Variants in NTM observed in about 807,000 individuals in gnomAD.
The protein encoded by NTM is IgLON family member 2.
In NTM, 13 loss-of-function variants were observed where a neutral mutation model predicts 42.1. The observed-to-expected ratio is 0.31, with a 90% confidence interval of 0.20 to 0.49. The LOEUF (loss-of-function observed/expected upper bound fraction) is 0.49. Among genes scored for constraint, NTM ranks in the 20% least tolerant of loss-of-function variants. The pLI, the probability that NTM is intolerant of heterozygous loss-of-function variation, is 0.99. For synonymous variants in NTM, 187 were observed against 179.2 expected, an observed-to-expected ratio of 1.04 and a Z score of -0.35; for missense variants, 373 against 452.8, an observed-to-expected ratio of 0.82 and a Z score of 1.60.
At chr11:131,531,885 G>A (rs2051330482) in intron 1 of NTM, among the ~76,000 whole-genome samples, 1 of 152,172 alleles carries the variant, frequency 6.6e-6, no homozygotes, top group Non-Finnish European at 1.5e-5. Context: ...CAGACAGAAG[G>A]AACCGCATGC....
At chr11:131,716,407 A>C (rs1283881058) in intron 1 of NTM, among the ~76,000 whole-genome samples, 1 of 152,210 alleles carries the variant, frequency 6.6e-6, no homozygotes. Flanking sequence ...GAATAGCTGA[A>C]TCATATCGTA....
At chr11:131,786,728 C>T (rs2089297534) in intron 1 of NTM, among the ~76,000 whole-genome samples, 1 of 152,134 alleles carries the variant, frequency 6.6e-6, no homozygotes, top group Non-Finnish European at 1.5e-5. Context: ...CAATTGATAG[C>T]ATTTAAATTA....
intron 2 of NTM, among the ~76,000 whole-genome samples, chr11:131,956,157 C>A (rs907691647): frequency 6.6e-6 from 1 of 152,120 alleles, no homozygotes; most frequent in Non-Finnish European, 1.5e-5. Context: ...TATAGAGACC[C>A]AGTCAGGGCC....
At chr11:131,573,764 G>A (rs1272678413) in intron 1 of NTM, among the ~76,000 whole-genome samples, 1 of 152,106 alleles carries the variant, frequency 6.6e-6, no homozygotes, top group African/African-American at 2.4e-5. Flanking sequence ...GGAAAGATCG[G>A]GCCCTTTCTC....
At chr11:131,902,728 G>A (rs2053345810) in intron 1 of NTM, among the ~76,000 whole-genome samples, 1 of 152,146 alleles carries the variant, frequency 6.6e-6, no homozygotes, top group Admixed American at 6.5e-5. Context: ...GTTCATCCAG[G>A]TCCACATTTC....
rs117795928 is a variant in NTM at position 131,541,058 on chromosome 11, G to A, written c.82+170170G>A. ...GTGATTACAATTATTGATGGCAGCT[G>A]ATTATTCATTAGGCATCAAATCAAT... On this transcript the variant is annotated intron_variant, in intron 1 of 8. Transcript: ENST00000683400. Among the ~76,000 whole-genome samples, 461 of 152,270 alleles carry A rather than the reference G, an allele frequency of 3.0e-3. 2 individuals are homozygous for A. Among genetic ancestry groups the A allele is most frequent in the Non-Finnish European group, 5.4e-3 (366 of 68,030 alleles).
At chr11:132,090,253 G>A (rs1052908013) in intron 2 of NTM, among the ~76,000 whole-genome samples, 6 of 152,160 alleles carry the variant, frequency 3.9e-5, no homozygotes, top group Non-Finnish European at 8.8e-5. Context: ...TGGCAATTAA[G>A]CACTTGCAAG....
At chr11:132,085,585 A>G (rs1331245659) in intron 2 of NTM, among the ~76,000 whole-genome samples, 1 of 152,262 alleles carries the variant, frequency 6.6e-6, no homozygotes, top group Non-Finnish European at 1.5e-5. Context: ...CTCAAAGATT[A>G]AAGTCACATG....
chr11:132,251,793 C>G (rs1359465085), intron 4 of NTM, among the ~76,000 whole-genome samples: 1 of 152,188 alleles, frequency 6.6e-6, no homozygotes, highest in Non-Finnish European at 1.5e-5. Context: ...AATTTCAAGC[C>G]TACTACTTAT....
chr11:131,762,493 G>A (rs1041281541), intron 1 of NTM, among the ~76,000 whole-genome samples: 2 of 152,224 alleles, frequency 1.3e-5, no homozygotes, highest in African/African-American at 4.8e-5. Flanking sequence ...TGCAGGCCAA[G>A]GGCAGGTTGG....
chr11:131,527,207 C>T (rs1591942838), intron 1 of NTM, among the ~76,000 whole-genome samples: 2 of 152,178 alleles, frequency 1.3e-5, no homozygotes, highest in East Asian at 3.9e-4. Context: ...GGCTAAGGCT[C>T]CTGTCCTCAT....
intron 2 of NTM, among the ~76,000 whole-genome samples, chr11:131,998,635 C>CG (rs2068582445): frequency 6.6e-6 from 1 of 152,090 alleles, no homozygotes; most frequent in Admixed American, 6.6e-5. Flanking sequence ...TCTCATACTC[C>CG]GTCGGTCACC....
intron 2 of NTM, among the ~76,000 whole-genome samples, chr11:131,967,557 C>T (rs1038858027): frequency 6.6e-6 from 1 of 151,890 alleles, no homozygotes; most frequent in Non-Finnish European, 1.5e-5. Flanking sequence ...TTTAATGGGC[C>T]AGGGAGGAGC....
At chr11:131,410,531 A>C (rs923064934) in intron 1 of NTM, among the ~76,000 whole-genome samples, 4 of 148,830 alleles carry the variant, frequency 2.7e-5, no homozygotes, top group South Asian at 2.1e-4. Context: ...AAAAAAAAAA[A>C]AAAAAAAAAA....
intron 1 of NTM, among the ~76,000 whole-genome samples, chr11:131,884,986 A>G (rs1225406214): frequency 2.0e-5 from 3 of 152,330 alleles, no homozygotes; most frequent in East Asian, 1.9e-4. Context: ...GCAAGAGCCC[A>G]GCATTACAGC....
intron 2 of NTM, among the ~76,000 whole-genome samples, chr11:131,938,583 A>T (rs976359238): frequency 6.6e-6 from 1 of 152,082 alleles, no homozygotes; most frequent in Non-Finnish European, 1.5e-5. Context: ...TAAGCAAGAG[A>T]ATGGCTTGGT....
At chr11:132,210,796 T>G (rs1424442263) in intron 3 of NTM, among the ~76,000 whole-genome samples, 4 of 152,186 alleles carry the variant, frequency 2.6e-5, no homozygotes. Flanking sequence ...TGGGTGCTGC[T>G]TCTGAAAATA....
In NTM at chr11:131,763,709, C is replaced by CTTTTTTTTTTTTTTTT. The variant is rs557522093; in HGVS notation, c.83-147844_83-147829dup. 4.5e-3 allele frequency among the ~76,000 whole-genome samples: 324 copies of CTTTTTTTTTTTTTTTT among 71,346 alleles called. 61 individuals carry two copies. The highest frequency in any genetic ancestry group is 9.1e-3 in the East Asian group (19 of 2,078). The allele number at this position is 71,346 out of a possible 152,430, so 46.8% of individuals were successfully genotyped here. ...CTTATCCACAGGCCCATCTCTCTCT[C>CTTTTTTTTTTTTTTTT]TTTTTTTTTTTTTTTTTTTTTTTTT... On this transcript the variant is annotated intron_variant, in intron 1 of 8. Coordinates refer to ENST00000683400, the MANE Select transcript of NTM (RefSeq NM_001352005.2).
At chr11:132,297,532 C>T (rs2094660692) in intron 4 of NTM, among the ~76,000 whole-genome samples, 1 of 152,184 alleles carries the variant, frequency 6.6e-6, no homozygotes, top group South Asian at 2.1e-4. Context: ...AAAAGACTTT[C>T]CCCCATTTAG....
Sources: allele counts gnomAD v4.1 joint callset (sites outside exome capture counted in the v4.1 genomes callset), GRCh38; gene constraint gnomAD v4.1.1; transcripts MANE v1.5; gene names NCBI Gene and HGNC (gene_info 2026-07-23, HGNC 2026-07-21).